EEF2K: variants seen among roughly 807,000 people sequenced by gnomAD.
EEF2K encodes alternative protein EEF2K.
In EEF2K, 70 loss-of-function variants were observed where a neutral mutation model predicts 93.8. The ratio of observed to expected loss-of-function variants is 0.75; its 90% CI spans 0.62 to 0.91. The LOEUF (loss-of-function observed/expected upper bound fraction) is 0.91. Among genes scored for constraint, EEF2K ranks in the 40% least tolerant of loss-of-function variants. EEF2K has a pLI of 0.00. For synonymous variants in EEF2K, 376 were observed against 380.8 expected (o/e 0.99, Z 0.15); for missense variants, 935 against 972.9 (o/e 0.96, Z 0.52).
chr16:22,264,810 C>T lies in EEF2K; in HGVS notation c.1378-8C>T. The T allele has an allele frequency of 6.2e-7, 1 of 1,613,786 alleles. No homozygotes were observed. The highest frequency in any genetic ancestry group is 8.5e-7 in the Non-Finnish European group (1 of 1,179,822). On this transcript the variant is annotated splice_polypyrimidine_tract_variant and splice_region_variant and intron_variant, in intron 12 of 17. Transcript: ENST00000263026. ...CTTTGGATCAGTGTAATTTCTTCCT[C>T]CGTTCAGGGCCACTCATACAGTAAT... is the stretch of plus-strand genomic sequence containing the variant.
rs572759849 is a variant in EEF2K, at chr16:22,271,555, G to A, written c.1765-2071G>A. On this transcript the variant is annotated intron_variant, in intron 15 of 17. Coordinates refer to ENST00000263026, the MANE Select transcript of EEF2K (RefSeq NM_013302.5). ...CCCCCACCCCCAAAAAAACAAATTA[G>A]CCTGGTGTGGTGCACCTGCCTGTAG... Among the ~76,000 whole-genome samples, 179 of 151,084 alleles carry A rather than the reference G, an allele frequency of 1.2e-3. 1 individual carries two copies. The highest frequency in any genetic ancestry group is 4.1e-3 in the African/African-American group (167 of 41,130).
At chr16:22,269,786 C>T (rs1215341026) in intron 15 of EEF2K, among the ~76,000 whole-genome samples, 2 of 152,048 alleles carry the variant, frequency 1.3e-5, no homozygotes, top group Admixed American at 6.6e-5. Context: ...GGATATTGTT[C>T]GGCCCAGTAC....
chr16:22,213,223 T>A (rs1359043891), intron 1 of EEF2K, among the ~76,000 whole-genome samples: 1 of 152,192 alleles, frequency 6.6e-6, no homozygotes, highest in African/African-American at 2.4e-5. Flanking sequence ...GAGTTTGCAG[T>A]GAGCCAAGAT....
chr16:22,267,302 A>G (rs1567286298), intron 15 of EEF2K, among the ~76,000 whole-genome samples: 1 of 151,972 alleles, frequency 6.6e-6, no homozygotes, highest in Non-Finnish European at 1.5e-5. Context: ...ATGAAGGGAT[A>G]CCTACCTCAG....
chr16:22,274,788 T>C (rs558431672), intron 16 of EEF2K, among the ~76,000 whole-genome samples: 6 of 152,012 alleles, frequency 3.9e-5, no homozygotes, highest in Admixed American at 6.6e-5. Flanking sequence ...TTTAAATTTG[T>C]TGGAGAGATG....
intron 1 of EEF2K, among the ~76,000 whole-genome samples, chr16:22,217,854 A>G (rs1418255844): frequency 6.6e-6 from 1 of 152,162 alleles, no homozygotes; most frequent in African/African-American, 2.4e-5. Flanking sequence ...TTATTGTATC[A>G]TCTGATTCAG....
chr16:22,269,861 G>A lies in EEF2K; in HGVS notation c.1764+2985G>A, dbSNP rs531946953. Among the ~76,000 whole-genome samples the A allele has an allele frequency of 3.2e-4, 49 of 151,992 alleles. No homozygotes were observed. The South Asian group carries it at 0.01, about 32-fold the overall frequency. ...CACCCTGCTTTTTCCTCCAAAGTTA[G>A]CATCCTACACACACACTCCTGAACC... is the stretch of plus-strand genomic sequence containing the variant. On this transcript the variant is annotated intron_variant, in intron 15 of 17. Transcript: ENST00000263026.
At chr16:22,257,147 A>G in intron 7 of EEF2K, 106 bp from the exon 8 acceptor site, 2 of 1,562,258 alleles carry the variant, frequency 1.3e-6, no homozygotes, top group Non-Finnish European at 1.7e-6. Flanking sequence ...TCCTCTATAT[A>G]ACTCCTTGAA....
rs183923432 is a variant in EEF2K, at chr16:22,222,504, C to T, written c.-76-3150C>T. On this transcript the variant is annotated intron_variant, in intron 1 of 17. Coordinates refer to ENST00000263026, the MANE Select transcript of EEF2K (RefSeq NM_013302.5). ...GATTACAGACATGAACCACCACATC[C>T]GACTTTCTTTTCTTTAAAACTTTGG... 2.6e-5 allele frequency among the ~76,000 whole-genome samples: 4 copies of T among 151,864 alleles called. No homozygotes were observed. The East Asian group carries it at 7.8e-4, about 29-fold the overall frequency.
chr16:22,212,374 A>C (rs1162737745), intron 1 of EEF2K, among the ~76,000 whole-genome samples: 1 of 150,734 alleles, frequency 6.6e-6, no homozygotes, highest in East Asian at 2.0e-4. Context: ...CCCAGGCTGG[A>C]GTGCAGTGGC....
In EEF2K at chr16:22,273,873, T is replaced by C. The variant is rs1567289428; in HGVS notation, c.1889+123T>C. On this transcript the variant is annotated intron_variant, in intron 16 of 17. Coordinates refer to ENST00000263026, the MANE Select transcript of EEF2K (RefSeq NM_013302.5). ...TGCCCCATGACCAGTCCAGCAACCA[T>C]GGGCAACTTATTTTACCTCCCTGGC... is the stretch of plus-strand genomic sequence containing the variant. 14 of 1,416,890 alleles carry C rather than the reference T, an allele frequency of 9.9e-6. No individual in the cohort carries two copies. In the Admixed American group the frequency reaches 1.9e-4, roughly 19 times the overall value. The allele number at this position is 1,416,890 out of a possible 1,614,324, so 87.8% of individuals were successfully genotyped here.
chr16:22,241,636 C>CA (rs71151666), intron 2 of EEF2K, among the ~76,000 whole-genome samples: 1,819 of 49,120 alleles, frequency 0.037, 233 homozygotes, highest in Non-Finnish European at 0.045. Flanking sequence ...GAGACTGTCT[C>CA]AAAAAAAAAA....
intron 16 of EEF2K, among the ~76,000 whole-genome samples, chr16:22,279,060 G>A (rs748160791): frequency 1.3e-5 from 2 of 152,074 alleles, no homozygotes; most frequent in Non-Finnish European, 2.9e-5. Flanking sequence ...AAGTCAGAGG[G>A]CAGCTTAGCT....
intron 4 of EEF2K, among the ~76,000 whole-genome samples, 195 bp downstream of exon 4, chr16:22,249,010 A>G (rs978522157): frequency 1.5e-5 from 2 of 131,402 alleles, no homozygotes; most frequent in South Asian, 4.6e-4. Flanking sequence ...GTCTCACTCT[A>G]TTGCCCAGGA....
intron 2 of EEF2K, among the ~76,000 whole-genome samples, chr16:22,235,076 TG>T (rs1314171017): frequency 6.6e-6 from 1 of 151,418 alleles, no homozygotes; most frequent in Non-Finnish European, 1.5e-5. Flanking sequence ...TAGCCGGGCA[TG>T]GGGGCGCACA....
intron 1 of EEF2K, among the ~76,000 whole-genome samples, chr16:22,221,187 T>C (rs2047008209): frequency 6.6e-6 from 1 of 152,032 alleles, no homozygotes; most frequent in Non-Finnish European, 1.5e-5. Flanking sequence ...TTAAGTAGAA[T>C]AGAAAATAGC....
At chr16:22,216,114 C>T (rs901214842) in intron 1 of EEF2K, among the ~76,000 whole-genome samples, 1 of 152,120 alleles carries the variant, frequency 6.6e-6, no homozygotes, top group Non-Finnish European at 1.5e-5. Context: ...GGATTCAAAC[C>T]CTGGCCATGC....
intron 3 of EEF2K, 83 bp downstream of exon 3, chr16:22,244,813 C>A: frequency 7.1e-7 from 1 of 1,413,796 alleles, no homozygotes; most frequent in Non-Finnish European, 9.9e-7. Flanking sequence ...CCTAAGTACT[C>A]TTGGGGGTCA....
chr16:22,210,934 G>T (rs945646651), intron 1 of EEF2K, among the ~76,000 whole-genome samples: 3 of 152,194 alleles, frequency 2.0e-5, no homozygotes, highest in East Asian at 1.9e-4. Context: ...TTCTGGGCAG[G>T]ATCACAGTGG....
Sources: gnomAD v4.1 joint callset for allele counts (sites outside exome capture counted in the v4.1 genomes callset) on GRCh38, gnomAD v4.1.1 for gene constraint, MANE v1.5 for transcripts, NCBI Gene and HGNC (gene_info 2026-07-23, HGNC 2026-07-21) for gene names.